EYA4: variants seen among roughly 807,000 people sequenced by gnomAD.
EYA4 encodes protein phosphatase EYA4.
A neutral mutation model predicts 87.9 loss-of-function variants in EYA4; 31 were observed. The observed-to-expected ratio is 0.35, with a 90% CI of 0.27 to 0.48. The LOEUF is 0.48. Among genes scored for constraint, EYA4 ranks in the 20% least tolerant of loss-of-function variants. The pLI, the probability that EYA4 is intolerant of heterozygous loss-of-function variation, is 0.99. For missense variants in EYA4, 678 were observed against 761.4 expected, an observed-to-expected ratio of 0.89 and a Z score of 1.29; for synonymous variants, 263 against 270.6, an observed-to-expected ratio of 0.97 and a Z score of 0.28.
chr6:133,328,469 A>G (rs1781674176), intron 2 of EYA4, among the ~76,000 whole-genome samples: 1 of 152,156 alleles, frequency 6.6e-6, no homozygotes, highest in Admixed American at 6.5e-5. Flanking sequence ...TAACACGTAG[A>G]CTATGCTCAA....
intron 1 of EYA4, among the ~76,000 whole-genome samples, chr6:133,256,310 A>T (rs956525066): frequency 6.6e-6 from 1 of 151,840 alleles, no homozygotes; most frequent in African/African-American, 2.4e-5. Context: ...TGTTAGGAAG[A>T]AATAAATCAG....
intron 2 of EYA4, among the ~76,000 whole-genome samples, chr6:133,305,836 G>A (rs1415705330): frequency 6.6e-6 from 1 of 152,152 alleles, no homozygotes; most frequent in Non-Finnish European, 1.5e-5. Flanking sequence ...ATGTCCATTA[G>A]ATTGCATCTG....
chr6:133,379,767 C>T (rs2128476138), intron 2 of EYA4, among the ~76,000 whole-genome samples: 1 of 152,224 alleles, frequency 6.6e-6, no homozygotes, highest in East Asian at 1.9e-4. Context: ...TGTACCAGAT[C>T]AATGCCATCT....
chr6:133,378,626 G>T (rs1255437561), intron 2 of EYA4, among the ~76,000 whole-genome samples: 1 of 151,948 alleles, frequency 6.6e-6, no homozygotes, highest in Non-Finnish European at 1.5e-5. Flanking sequence ...GTTACTATAT[G>T]GGAACTGGGA....
At chr6:133,275,546 CTTTTT>C (rs369470483) in intron 2 of EYA4, among the ~76,000 whole-genome samples, 1 of 142,212 alleles carries the variant, frequency 7.0e-6, no homozygotes, top group Non-Finnish European at 1.5e-5. Flanking sequence ...GATGCTGTTC[CTTTTT>C]TTTTTTTTTG....
At chr6:133,494,307 C>T (rs947681730) in intron 13 of EYA4, among the ~76,000 whole-genome samples, 2 of 152,022 alleles carry the variant, frequency 1.3e-5, no homozygotes, top group African/African-American at 4.8e-5. Flanking sequence ...GTGAAATAAG[C>T]CAGGCACAAG....
intron 3 of EYA4, among the ~76,000 whole-genome samples, chr6:133,442,481 T>A (rs1490801832): frequency 6.6e-6 from 1 of 152,168 alleles, no homozygotes; most frequent in East Asian, 1.9e-4. Context: ...TTTTAGGGTT[T>A]TTTTTAGTTA....
chr6:133,449,735 G>A (rs1793232727), intron 5 of EYA4, among the ~76,000 whole-genome samples: 1 of 152,146 alleles, frequency 6.6e-6, no homozygotes, highest in African/African-American at 2.4e-5. Context: ...TATATAAATT[G>A]CTTAACAATA....
chr6:133,424,658 T>G (rs1181912020), intron 3 of EYA4, among the ~76,000 whole-genome samples: 1 of 142,220 alleles, frequency 7.0e-6, no homozygotes, highest in Non-Finnish European at 1.5e-5. Context: ...GCGGGACTCC[T>G]ACTTGTCCCC....
chr6:133,311,352 G>T (rs542869382), intron 2 of EYA4, among the ~76,000 whole-genome samples: 3 of 151,974 alleles, frequency 2.0e-5, no homozygotes, highest in Admixed American at 2.0e-4. Context: ...TTTAGACAGG[G>T]TCTCATGCTG....
chr6:133,299,527 C>T (rs1582887315), intron 2 of EYA4, among the ~76,000 whole-genome samples: 1 of 151,544 alleles, frequency 6.6e-6, no homozygotes, highest in South Asian at 2.1e-4. Flanking sequence ...CTAGCTAACA[C>T]GGTGAAACCC....
At chr6:133,279,179 A>G (rs2128278492) in intron 2 of EYA4, among the ~76,000 whole-genome samples, 1 of 152,292 alleles carries the variant, frequency 6.6e-6, no homozygotes, top group East Asian at 1.9e-4. Context: ...AAAGAAATAT[A>G]TTTTATTAAT....
chr6:133,482,976 G>A (rs1431346734), intron 12 of EYA4, 56 bp from the exon 13 acceptor site: 1 of 1,344,146 alleles, frequency 7.4e-7, no homozygotes, highest in African/African-American at 1.4e-5. Context: ...TGCTTGTAAA[G>A]AGATTTCTGT....
intron 1 of EYA4, among the ~76,000 whole-genome samples, chr6:133,252,940 AAAACACAC>A (rs1274417778): frequency 3.1e-5 from 3 of 97,898 alleles, no homozygotes; most frequent in African/African-American, 1.3e-4. Flanking sequence ...GAGGTACTTG[AAAACACAC>A]ACACACACAC....
At chr6:133,442,176 G>A (rs1376624407) in intron 3 of EYA4, among the ~76,000 whole-genome samples, 2 of 151,952 alleles carry the variant, frequency 1.3e-5, no homozygotes, top group Non-Finnish European at 2.9e-5. Flanking sequence ...CTGTCCACTA[G>A]GAGTCATATT....
intron 3 of EYA4, among the ~76,000 whole-genome samples, chr6:133,384,879 G>A (rs1024325776): frequency 6.6e-6 from 1 of 152,148 alleles, no homozygotes; most frequent in Non-Finnish European, 1.5e-5. Flanking sequence ...ATGTACTGAG[G>A]TTCAGTTTTT....
chr6:133,275,164 A>T (rs1582818654), intron 2 of EYA4, among the ~76,000 whole-genome samples: 1 of 152,202 alleles, frequency 6.6e-6, no homozygotes, highest in Non-Finnish European at 1.5e-5. Flanking sequence ...TCAGAAGTAT[A>T]AAAGGAGAAA....
At chr6:133,410,629 G>GTTTTTTTTTTTTTTTTTTTTTTTTTTTT (rs1554252058) in intron 3 of EYA4, among the ~76,000 whole-genome samples, 2 of 148,474 alleles carry the variant, frequency 1.3e-5, no homozygotes, top group Non-Finnish European at 3.0e-5. Flanking sequence ...TAGAACTAAG[G>GTTTTTTTTTTTTTTTTTTTTTTTTTTTT]TCTTAATTCC....
intron 2 of EYA4, among the ~76,000 whole-genome samples, chr6:133,275,520 G>A (rs1375486264): frequency 6.6e-6 from 1 of 151,422 alleles, no homozygotes; most frequent in African/African-American, 2.4e-5. Flanking sequence ...CTTACTGAGA[G>A]TGTGTTCTGC....
Sources: gnomAD v4.1 joint callset for allele counts (sites outside exome capture counted in the v4.1 genomes callset) on GRCh38, gnomAD v4.1.1 for gene constraint, MANE v1.5 for transcripts, NCBI Gene and HGNC (gene_info 2026-07-23, HGNC 2026-07-21) for gene names.